The following THOC7 variants were observed in gnomAD, a reference collection of about 807,000 sequenced individuals.
The protein encoded by THOC7 is THO complex subunit 7, also known as NIF3L1-binding protein 1.
A neutral mutation model predicts 33.1 loss-of-function variants in THOC7; 22 were observed. The observed-to-expected ratio is 0.66, with a 90% confidence interval of 0.47 to 0.95. The LOEUF (loss-of-function observed/expected upper bound fraction) is 0.95, where lower values mean the gene tolerates loss of function less well. Among genes scored for constraint, THOC7 ranks in the 40% least tolerant of loss-of-function variants. The probability of loss-of-function intolerance (pLI) is 0.00; values close to 1 mark genes in which losing one functional copy is unlikely to be tolerated. For missense variants in THOC7, 184 were observed against 245.3 expected (o/e 0.75, Z 1.67); for synonymous variants, 77 against 76.8 (o/e 1.00, Z -0.01).
intron 1 of THOC7, among the ~76,000 whole-genome samples, chr3:63,854,987 G>A (rs1575814627): frequency 2.0e-5 from 3 of 149,782 alleles, no homozygotes; most frequent in East Asian, 2.0e-4. Context: ...CAGCCTGGGC[G>A]ACAGAGCGAG....
At chr3:63,846,216 C>T in intron 1 of THOC7, 1 of 450,746 alleles carries the variant, frequency 2.2e-6, no homozygotes, top group Non-Finnish European at 4.5e-6. Context: ...TGCCTTTCTT[C>T]CCTGAAAAAA....
At chr3:63,859,930 C>G (rs1232069365) in intron 1 of THOC7, among the ~76,000 whole-genome samples, 1 of 152,212 alleles carries the variant, frequency 6.6e-6, no homozygotes, top group Non-Finnish European at 1.5e-5. Flanking sequence ...GCCAGATCAG[C>G]AGAGCTACCC....
chr3:63,846,416 TA>T (rs1192052562), intron 1 of THOC7, among the ~76,000 whole-genome samples: 2 of 152,142 alleles, frequency 1.3e-5, no homozygotes, highest in Non-Finnish European at 2.9e-5. Flanking sequence ...TAAAAATTTT[TA>T]TTTTTTTTAG....
At chr3:63,835,125 G>A in intron 7 of THOC7, 29 bp downstream of exon 7, 2 of 1,606,338 alleles carry the variant, frequency 1.2e-6, no homozygotes, top group South Asian at 2.2e-5. Flanking sequence ...ATCTTCATAA[G>A]CATTTACTTT....
intron 1 of THOC7, among the ~76,000 whole-genome samples, chr3:63,843,231 G>T (rs1701805959): frequency 6.6e-6 from 1 of 152,048 alleles, no homozygotes; most frequent in African/African-American, 2.4e-5. Flanking sequence ...CGATTCTCTT[G>T]CCTCAGCCTT....
At chr3:63,856,527 C>T (rs957291020) in intron 1 of THOC7, among the ~76,000 whole-genome samples, 8 of 152,020 alleles carry the variant, frequency 5.3e-5, no homozygotes, top group Admixed American at 6.6e-5. Context: ...TACGCACCTA[C>T]TATATCACTT....
intron 1 of THOC7, among the ~76,000 whole-genome samples, chr3:63,844,407 T>C (rs1000659857): frequency 6.6e-6 from 1 of 152,222 alleles, no homozygotes; most frequent in Non-Finnish European, 1.5e-5. Flanking sequence ...CATTTGTTAA[T>C]TAGCTAGTTA....
In THOC7 at chr3:63,835,318, G is replaced by T. The variant is rs759751230; in HGVS notation, c.477+6C>A. 1.9e-6 allele frequency: 3 copies of T among 1,613,174 alleles called. No individual in the cohort carries two copies. Among genetic ancestry groups the T allele is most frequent in the Non-Finnish European group, 1.7e-6 (2 of 1,179,636 alleles). On this transcript the variant is annotated splice_donor_region_variant and intron_variant, in intron 6 of 7. Transcript: ENST00000295899. ...GATCATGAAGGCTAAATATATATGC[G>T]AATACCTTATCTTCAACACTTTCTT...
chr3:63,862,338 T>C (rs1380667713), intron 1 of THOC7, among the ~76,000 whole-genome samples: 4 of 152,242 alleles, frequency 2.6e-5, no homozygotes, highest in Non-Finnish European at 5.9e-5. Flanking sequence ...TTTCCATTGA[T>C]TGGATAAATA....
intron 1 of THOC7, chr3:63,863,557 C>G: frequency 8.4e-7 from 1 of 1,196,612 alleles, no homozygotes; most frequent in Non-Finnish European, 1.0e-6. Flanking sequence ...CGAGGGTCTC[C>G]GAGGGGCGCT....
chr3:63,836,500 G>A (rs895348970), intron 4 of THOC7, 142 bp from the exon 5 acceptor site: 5 of 745,248 alleles, frequency 6.7e-6, no homozygotes, highest in Non-Finnish European at 1.1e-5. Context: ...AGTATTGCCA[G>A]TTTTAGTTAA....
At chr3:63,844,901 T>A in intron 1 of THOC7, 1 of 524,140 alleles carries the variant, frequency 1.9e-6, no homozygotes. Flanking sequence ...AAAATTGTAC[T>A]GGCAGTGTGG....
intron 4 of THOC7, among the ~76,000 whole-genome samples, chr3:63,836,789 C>T (rs1701642826): frequency 6.6e-6 from 1 of 151,862 alleles, no homozygotes; most frequent in South Asian, 2.1e-4. Context: ...CTCACTCATT[C>T]CAAAAGTTAA....
intron 1 of THOC7, among the ~76,000 whole-genome samples, chr3:63,844,656 G>GATAA (rs1454905212): frequency 2.6e-5 from 4 of 152,146 alleles, no homozygotes; most frequent in Non-Finnish European, 5.9e-5. Flanking sequence ...ATCTCGGAGT[G>GATAA]AGCTCCTGAT....
At position 63,845,789 on chromosome 3, in the gene THOC7, G is replaced by C. The variant is rs576886388; in HGVS notation, c.20-6016C>G. Among the ~76,000 whole-genome samples, 204 of 152,272 alleles carry C rather than the reference G, an allele frequency of 1.3e-3. 3 individuals are homozygous for C. Among genetic ancestry groups the C allele is most frequent in the Admixed American group, 3.3e-3 (50 of 15,310 alleles). Reference sequence around the variant, plus strand: ...GTTTCTTTAATTTCTAAAGATCTGAGTACCCTCCCTTCTGGCCAGTCTGCC... The same window carrying C: ...GTTTCTTTAATTTCTAAAGATCTGACTACCCTCCCTTCTGGCCAGTCTGCC... On this transcript the variant is annotated intron_variant, in intron 1 of 7. Transcript: ENST00000295899.
intron 1 of THOC7, chr3:63,846,257 G>C (rs755057130): frequency 2.3e-6 from 1 of 442,116 alleles, no homozygotes; most frequent in Non-Finnish European, 4.5e-6. Context: ...TAAGAGAATC[G>C]TCTGAAAAAT....
chr3:63,847,111 A>C lies in THOC7; in HGVS notation c.20-7338T>G, dbSNP rs886423283. On this transcript the variant is annotated intron_variant, in intron 1 of 7. Coordinates refer to ENST00000295899, the MANE Select transcript of THOC7 (RefSeq NM_025075.4). The stretch of plus-strand genomic sequence containing the variant: ...GAATAGGAAGTACCACCACTTGTGC[A>C]AATAACCAGGACATTGGAAAAAGGA... Among the ~76,000 whole-genome samples the C allele has an allele frequency of 2.0e-5, 3 of 152,100 alleles. 1 individual carries two copies. The highest frequency in any genetic ancestry group is 7.2e-5 in the African/African-American group (3 of 41,418).
chr3:63,840,717 G>A (rs990250994), intron 1 of THOC7, among the ~76,000 whole-genome samples: 4 of 152,200 alleles, frequency 2.6e-5, no homozygotes, highest in African/African-American at 7.2e-5. Flanking sequence ...ATGCTGGATC[G>A]TAACAAGAGC....
intron 1 of THOC7, chr3:63,845,115 G>C (rs530277546): frequency 1.2e-5 from 8 of 680,528 alleles, no homozygotes; most frequent in African/African-American, 8.9e-5. Flanking sequence ...GGGGTGGGGG[G>C]TACTATCTCC....
Sources: allele counts gnomAD v4.1 joint callset (sites outside exome capture counted in the v4.1 genomes callset), GRCh38; gene constraint gnomAD v4.1.1; transcripts MANE v1.5; gene names NCBI Gene and HGNC (gene_info 2026-07-23, HGNC 2026-07-21).